PDS5B: variants seen among roughly 807,000 people sequenced by gnomAD.
PDS5B encodes sister chromatid cohesion protein PDS5 homolog B.
Under a neutral mutation model 184.1 loss-of-function variants are expected in PDS5B, and 51 were observed. That is an observed-to-expected ratio of 0.28 (90% CI 0.22 to 0.35). The LOEUF is 0.35. PDS5B is among the 10% of genes least tolerant of loss of function. PDS5B has a pLI of 1.00. For missense variants in PDS5B, 1,180 were observed against 1,723.3 expected (o/e 0.68, Z 5.58); for synonymous variants, 566 against 569.2 (o/e 0.99, Z 0.08).
At chr13:32,699,973 AT>A in intron 16 of PDS5B, 104 bp downstream of exon 16, 1 of 1,078,788 alleles carries the variant, frequency 9.3e-7, no homozygotes, top group Non-Finnish European at 1.3e-6. Flanking sequence ...AATTTGAAAA[AT>A]GTCACATAAA....
At chr13:32,745,484 A>C (rs535926828) in intron 23 of PDS5B, among the ~76,000 whole-genome samples, 1 of 152,362 alleles carries the variant, frequency 6.6e-6, no homozygotes, top group South Asian at 2.1e-4. Context: ...AATGAGCATA[A>C]TATGGTGTTC....
intron 19 of PDS5B, 42 bp from the exon 20 acceptor site, chr13:32,732,059 A>C (rs1380985753): frequency 1.3e-6 from 2 of 1,531,494 alleles, no homozygotes; most frequent in Admixed American, 3.8e-5. Flanking sequence ...AGTCTTGTTG[A>C]TTTTTCTGGT....
At chr13:32,699,905 C>T (rs774179197) in intron 16 of PDS5B, 36 bp downstream of exon 16, 1 of 1,505,866 alleles carries the variant, frequency 6.6e-7, no homozygotes, top group South Asian at 1.4e-5. Context: ...TGAAAAAGCC[C>T]CCAAATCTTC....
chr13:32,703,864 T>G (rs1200169748), intron 17 of PDS5B, among the ~76,000 whole-genome samples: 1 of 147,312 alleles, frequency 6.8e-6, no homozygotes, highest in Non-Finnish European at 1.5e-5. Context: ...AAGGTTGAAC[T>G]TTTTTTTTCA....
At chr13:32,744,758 C>T (rs542829142) in intron 23 of PDS5B, among the ~76,000 whole-genome samples, 2 of 152,072 alleles carry the variant, frequency 1.3e-5, no homozygotes, top group African/African-American at 2.4e-5. Flanking sequence ...ACCTTTGAGA[C>T]GAAGTCCTAC....
intron 10 of PDS5B, 90 bp from the exon 11 acceptor site, chr13:32,683,788 T>C: frequency 1.2e-6 from 1 of 800,294 alleles, no homozygotes; most frequent in South Asian, 1.7e-5. Flanking sequence ...GGTATTGTTT[T>C]GCTAGGGCTT....
intron 16 of PDS5B, among the ~76,000 whole-genome samples, 161 bp downstream of exon 16, chr13:32,700,030 TGTG>T (rs1030246406): frequency 3.9e-5 from 6 of 152,260 alleles, no homozygotes; most frequent in African/African-American, 7.2e-5. Context: ...TTGTTAATAT[TGTG>T]GTGTATGTCC....
chr13:32,593,851 A>G (rs1298674912), intron 1 of PDS5B, among the ~76,000 whole-genome samples: 1 of 152,120 alleles, frequency 6.6e-6, no homozygotes, highest in Non-Finnish European at 1.5e-5. Flanking sequence ...GAAGAGAGAG[A>G]GGAGGTGGAA....
intron 21 of PDS5B, among the ~76,000 whole-genome samples, chr13:32,735,559 A>G (rs1271123427): frequency 6.6e-6 from 1 of 152,210 alleles, no homozygotes; most frequent in Non-Finnish European, 1.5e-5. Context: ...CTTGATAAAT[A>G]TAAAATATAA....
intron 19 of PDS5B, among the ~76,000 whole-genome samples, chr13:32,714,721 C>T (rs1952319030): frequency 6.6e-6 from 1 of 152,188 alleles, no homozygotes; most frequent in Non-Finnish European, 1.5e-5. Context: ...TTAAGGTTAT[C>T]TCTCTTATTC....
intron 21 of PDS5B, among the ~76,000 whole-genome samples, chr13:32,738,732 C>T (rs752718108): frequency 2.6e-5 from 4 of 151,964 alleles, no homozygotes; most frequent in Non-Finnish European, 4.4e-5. Context: ...AGTGCAGTGG[C>T]GCCATCTCGG....
At chr13:32,649,692 G>C (rs1244634700) in intron 2 of PDS5B, 1 of 152,044 alleles carries the variant, frequency 6.6e-6, no homozygotes, top group East Asian at 1.9e-4. Context: ...TTTATAAAGA[G>C]AAAAAGATGC....
intron 19 of PDS5B, among the ~76,000 whole-genome samples, chr13:32,728,968 G>A (rs980437960): frequency 2.6e-5 from 4 of 152,128 alleles, no homozygotes; most frequent in Non-Finnish European, 5.9e-5. Context: ...TGAGATACAT[G>A]TGCAGAACGT....
intron 1 of PDS5B, among the ~76,000 whole-genome samples, chr13:32,604,618 C>T (rs1348961337): frequency 2.0e-5 from 3 of 152,154 alleles, no homozygotes. Flanking sequence ...CCCTCTTTTT[C>T]TGTTGATTGG....
chr13:32,717,827 G>A (rs1952523263), intron 19 of PDS5B, among the ~76,000 whole-genome samples: 2 of 145,290 alleles, frequency 1.4e-5, no homozygotes, highest in African/African-American at 5.1e-5. Context: ...GTATAGAAAA[G>A]AAAGCACTCA....
chr13:32,682,669 C>T lies in PDS5B; in HGVS notation c.1058-1209C>T, dbSNP rs1346128662. Among the ~76,000 whole-genome samples, 3 of 151,752 alleles carry T rather than the reference C, an allele frequency of 2.0e-5. No homozygotes were observed. The East Asian group carries it at 5.8e-4, about 29-fold the overall frequency. ...TAAATTGCTGGTCATAGTGTAGATACATGTTTATAAGAGACAGTGAAAACA... is the reference window on the plus strand; with the variant it reads ...TAAATTGCTGGTCATAGTGTAGATATATGTTTATAAGAGACAGTGAAAACA... On this transcript the variant is annotated intron_variant, in intron 10 of 34. Transcript: ENST00000315596.
chr13:32,652,830 A>G (rs1950406290), intron 3 of PDS5B, among the ~76,000 whole-genome samples: 1 of 152,132 alleles, frequency 6.6e-6, no homozygotes, highest in Non-Finnish European at 1.5e-5. Flanking sequence ...ACTTGGTTAC[A>G]GTAATTGTAA....
At chr13:32,750,778 G>A (rs1427684762) in intron 24 of PDS5B, among the ~76,000 whole-genome samples, 1 of 152,010 alleles carries the variant, frequency 6.6e-6, no homozygotes, top group Non-Finnish European at 1.5e-5. Context: ...CTGACCTCAG[G>A]TGATCCACTT....
At chr13:32,655,374 A>ATATATATATATATATTTTTT in intron 3 of PDS5B, among the ~76,000 whole-genome samples, 5 of 72,462 alleles carry the variant, frequency 6.9e-5, no homozygotes, top group African/African-American at 4.1e-4. Flanking sequence ...ATATATATAT[A>ATATATATATATATATTTTTT]TTTTTTTTTT....
Sources: gnomAD v4.1 joint callset for allele counts (sites outside exome capture counted in the v4.1 genomes callset) on GRCh38, gnomAD v4.1.1 for gene constraint, MANE v1.5 for transcripts, NCBI Gene and HGNC (gene_info 2026-07-23, HGNC 2026-07-21) for gene names.